SRGAP1: variants seen among roughly 807,000 people sequenced by gnomAD.
SRGAP1 encodes SLIT-ROBO Rho GTPase activating protein 1.
A neutral mutation model predicts 121.9 loss-of-function variants in SRGAP1; 43 were observed. The observed-to-expected ratio is 0.35, with a 90% CI of 0.28 to 0.46. The LOEUF is 0.46. Among genes scored for constraint, SRGAP1 ranks in the 20% least tolerant of loss-of-function variants. SRGAP1 has a pLI of 1.00. For missense variants in SRGAP1, 1,102 were observed against 1,350.9 expected, an observed-to-expected ratio of 0.82 and a Z score of 2.89; for synonymous variants, 447 against 485.4, an observed-to-expected ratio of 0.92 and a Z score of 1.04.
At chr12:63,890,874 G>T (rs575185777) in intron 1 of SRGAP1, among the ~76,000 whole-genome samples, 2 of 152,298 alleles carry the variant, frequency 1.3e-5, no homozygotes, top group African/African-American at 4.8e-5. Flanking sequence ...CCTCTTCACA[G>T]ACTGTTCCTT....
chr12:63,959,586 T>C (rs935461622), intron 1 of SRGAP1, among the ~76,000 whole-genome samples: 2 of 142,434 alleles, frequency 1.4e-5, no homozygotes, highest in East Asian at 3.9e-4. Context: ...GTGTGAGGGG[T>C]TTTTTTTAAA....
At chr12:64,062,522 T>C (rs2136536137) in intron 6 of SRGAP1, among the ~76,000 whole-genome samples, 1 of 152,232 alleles carries the variant, frequency 6.6e-6, no homozygotes, top group South Asian at 2.1e-4. Flanking sequence ...TCTATTTTTT[T>C]TTTTCTTTTT....
intron 6 of SRGAP1, among the ~76,000 whole-genome samples, chr12:64,044,594 C>T (rs532895865): frequency 5.4e-5 from 8 of 149,490 alleles, no homozygotes; most frequent in African/African-American, 2.0e-4. Flanking sequence ...CCAAACTGTT[C>T]AGCCACAGTT....
intron 1 of SRGAP1, among the ~76,000 whole-genome samples, chr12:63,943,232 T>C (rs569002691): frequency 6.6e-6 from 1 of 152,310 alleles, no homozygotes; most frequent in African/African-American, 2.4e-5. Flanking sequence ...TTTTTCTCAG[T>C]TAAAAAATAT....
intron 1 of SRGAP1, among the ~76,000 whole-genome samples, chr12:63,896,964 GA>G (rs1900775402): frequency 6.6e-6 from 1 of 152,166 alleles, no homozygotes; most frequent in South Asian, 2.1e-4. Flanking sequence ...TTTGATCAGA[GA>G]ACCTTGCTCC....
intron 1 of SRGAP1, among the ~76,000 whole-genome samples, chr12:63,971,729 A>C (rs2032951945): frequency 6.6e-6 from 1 of 152,008 alleles, no homozygotes; most frequent in Admixed American, 6.6e-5. Context: ...GAAAAATCTT[A>C]AAAGGTGTGT....
chr12:64,152,719 G>T lies in SRGAP1; in HGVS notation c.*10047G>T, dbSNP rs1234471596. ...TACTTCATCCTGACAACTGCCTGTT[G>T]AAATTATATTCATCATTCCAAACCC... On this transcript the variant is annotated 3_prime_UTR_variant, in exon 22 of 22. Coordinates refer to ENST00000355086, the MANE Select transcript of SRGAP1 (RefSeq NM_020762.4). 4 of 152,078 alleles carry T rather than the reference G, an allele frequency of 2.6e-5. No homozygotes were observed. Among genetic ancestry groups the T allele is most frequent in the African/African-American group, 9.7e-5 (4 of 41,404 alleles). The allele number at this position is 152,078 out of a possible 1,614,324, so 9.4% of individuals were successfully genotyped here.
intron 1 of SRGAP1, among the ~76,000 whole-genome samples, chr12:63,886,516 T>G (rs935091621): frequency 6.7e-6 from 1 of 149,240 alleles, no homozygotes; most frequent in Non-Finnish European, 1.5e-5. Context: ...CAGTCTCACC[T>G]TGTCGTCCAG....
At chr12:63,847,118 T>G (rs7971680) in intron 1 of SRGAP1, among the ~76,000 whole-genome samples, 1 of 152,112 alleles carries the variant, frequency 6.6e-6, no homozygotes, top group African/African-American at 2.4e-5. Context: ...CACTTGGGGT[T>G]AGGGGTTCAA....
intron 15 of SRGAP1, among the ~76,000 whole-genome samples, chr12:64,106,166 T>A (rs2036342494): frequency 6.6e-6 from 1 of 152,184 alleles, no homozygotes; most frequent in African/African-American, 2.4e-5. Flanking sequence ...AAATGAGGAT[T>A]TGCTGGGAGA....
Position 64,080,388 on chromosome 12 carries a change from T to A in SRGAP1, c.1408+18T>A. 6.4e-7 allele frequency: 1 copy of A among 1,565,998 alleles called. No homozygotes were observed. Among genetic ancestry groups the A allele is most frequent in the Non-Finnish European group, 8.8e-7 (1 of 1,136,816 alleles). ...GGGAGAAGGTGAGTTATCCAAAATG[T>A]ATGGGAAGATGACCTGGATGATACA... On this transcript the variant is annotated intron_variant, in intron 10 of 21. Coordinates refer to ENST00000355086, the MANE Select transcript of SRGAP1 (RefSeq NM_020762.4).
chr12:64,108,777 C>T (rs1416279226), intron 15 of SRGAP1, 155 bp from the exon 16 acceptor site: 5 of 436,072 alleles, frequency 1.1e-5, no homozygotes, highest in South Asian at 8.6e-5. Flanking sequence ...ATACCCAAGC[C>T]GATCATTTAT....
At chr12:64,097,523 C>A (rs2036182287) in intron 15 of SRGAP1, 148 bp downstream of exon 15, 3 of 856,828 alleles carry the variant, frequency 3.5e-6, no homozygotes, top group Non-Finnish European at 5.1e-6. Context: ...CTTTCTGGAT[C>A]CAGTGCGAGT....
intron 3 of SRGAP1, among the ~76,000 whole-genome samples, chr12:64,005,860 A>G (rs1350789721): frequency 6.6e-6 from 1 of 152,092 alleles, no homozygotes; most frequent in African/African-American, 2.4e-5. Flanking sequence ...CCCAAAACAG[A>G]ATAGGCATTA....
At position 63,856,380 on chromosome 12, in the gene SRGAP1, T is replaced by G. The variant is rs951684972; in HGVS notation, c.67+11497T>G. ...TTTATATTTGGTGTTTAAATAATCC[T>G]TCCCCACTCTAAAGTCAGGAAGATA... On this transcript the variant is annotated intron_variant, in intron 1 of 21. Coordinates refer to ENST00000355086, the MANE Select transcript of SRGAP1 (RefSeq NM_020762.4). Among the ~76,000 whole-genome samples the G allele has an allele frequency of 3.9e-5, 6 of 152,304 alleles. No individual in the cohort carries two copies. In the East Asian group the frequency reaches 9.6e-4, roughly 24 times the overall value.
intron 10 of SRGAP1, among the ~76,000 whole-genome samples, chr12:64,083,938 A>G (rs2035893378): frequency 6.6e-6 from 1 of 152,222 alleles, no homozygotes. Context: ...GTAGGAGTAC[A>G]AGTATACTTT....
At chr12:63,978,409 C>A (rs2033150020) in intron 1 of SRGAP1, among the ~76,000 whole-genome samples, 1 of 152,156 alleles carries the variant, frequency 6.6e-6, no homozygotes, top group Admixed American at 6.5e-5. Context: ...AATCTACTTT[C>A]TGTCTCTATA....
intron 1 of SRGAP1, among the ~76,000 whole-genome samples, chr12:63,912,317 T>G (rs1565947244): frequency 6.6e-6 from 1 of 152,106 alleles, no homozygotes; most frequent in Non-Finnish European, 1.5e-5. Flanking sequence ...CATGTAAAAG[T>G]CAGCACTAGG....
In SRGAP1 at chr12:64,160,855, T is replaced by G. The variant is rs2037204368; in HGVS notation, c.*18183T>G. 6.6e-6 allele frequency: 1 copy of G among 152,228 alleles called. No individual in the cohort carries two copies. Among genetic ancestry groups the G allele is most frequent in the Admixed American group, 6.5e-5 (1 of 15,284 alleles). 9.4% of individuals were successfully genotyped at this position (152,228 alleles called of 1,614,324 possible). Reference sequence around the variant, plus strand: ...ATTGTGCCCATATTTCTCTATTCTCTCTAGCATTATGAATCATTTCCCCTC... The same window carrying G: ...ATTGTGCCCATATTTCTCTATTCTCGCTAGCATTATGAATCATTTCCCCTC... On this transcript the variant is annotated 3_prime_UTR_variant, in exon 22 of 22. Transcript: ENST00000355086.
Sources: gnomAD v4.1 joint callset for allele counts (sites outside exome capture counted in the v4.1 genomes callset) on GRCh38, gnomAD v4.1.1 for gene constraint, MANE v1.5 for transcripts, NCBI Gene and HGNC (gene_info 2026-07-23, HGNC 2026-07-21) for gene names.